The following KCNH8 variants were observed in gnomAD, a reference collection of about 807,000 sequenced individuals.
KCNH8 encodes the protein potassium voltage-gated channel subfamily H member 8.
In KCNH8, 70 loss-of-function variants were observed where a neutral mutation model predicts 103.6. The ratio of observed to expected loss-of-function variants is 0.68; its 90% CI spans 0.56 to 0.82. The LOEUF (loss-of-function observed/expected upper bound fraction) is 0.82, where lower values mean the gene tolerates loss of function less well. KCNH8 is among the 40% of genes least tolerant of loss of function. The probability of loss-of-function intolerance (pLI) is 0.00; values close to 1 mark genes in which losing one functional copy is unlikely to be tolerated. For synonymous variants in KCNH8, 498 were observed against 489.4 expected (o/e 1.02, Z -0.23); for missense variants, 1,217 against 1,329.9 (o/e 0.92, Z 1.32).
At chr3:19,260,399 C>T (rs139704707) in intron 2 of KCNH8, among the ~76,000 whole-genome samples, 148 of 146,040 alleles carry the variant, frequency 1.0e-3, no homozygotes, top group Non-Finnish European at 1.7e-3. Context: ...TTACAATGAG[C>T]TATTCATGAC....
At chr3:19,457,686 A>G (rs961955661) in intron 11 of KCNH8, among the ~76,000 whole-genome samples, 2 of 151,954 alleles carry the variant, frequency 1.3e-5, no homozygotes, top group African/African-American at 4.8e-5. Flanking sequence ...TTGTGTAACA[A>G]CAAGCCTTTA....
chr3:19,395,934 G>A (rs1559307436), intron 7 of KCNH8, among the ~76,000 whole-genome samples: 1 of 151,928 alleles, frequency 6.6e-6, no homozygotes, highest in Non-Finnish European at 1.5e-5. Context: ...TACATAATCT[G>A]CATAAATGAA....
chr3:19,216,873 G>A (rs866100675), intron 1 of KCNH8, among the ~76,000 whole-genome samples: 4 of 152,202 alleles, frequency 2.6e-5, no homozygotes, highest in African/African-American at 7.2e-5. Flanking sequence ...CCAGGACGCC[G>A]ATGCTTGCCA....
At chr3:19,288,970 C>T (rs2125279985) in intron 3 of KCNH8, among the ~76,000 whole-genome samples, 1 of 152,268 alleles carries the variant, frequency 6.6e-6, no homozygotes, top group African/African-American at 2.4e-5. Flanking sequence ...TTGCATTTCT[C>T]TGATGGCCAG....
rs764404290 is a variant in KCNH8 at position 19,347,841 on chromosome 3, G to T, written c.687G>T (p.Leu229Phe). Residue 229 changes from leucine to phenylalanine, a missense_variant, in exon 5 of 16, where the codon TTG becomes TTT. Leu to Phe is a conservative substitution (Grantham distance 22). Coordinates refer to ENST00000328405, the MANE Select transcript of KCNH8 (RefSeq NM_144633.3). ...AAGCTGGCTGGGACTGGCTTATTTT[G>T]TTGGCAACGTTTTATGTTGCTGTGA... ...TFKAGWDWLI[L>F]LATFYVAVTV... is the part of the protein sequence containing the mutation. The T allele has an allele frequency of 1.2e-6, 2 of 1,613,340 alleles. No individual in the cohort carries two copies. Among genetic ancestry groups the T allele is most frequent in the South Asian group, 2.2e-5 (2 of 91,068 alleles).
intron 5 of KCNH8, among the ~76,000 whole-genome samples, chr3:19,364,199 C>T (rs1426217890): frequency 2.6e-5 from 4 of 152,022 alleles, no homozygotes; most frequent in East Asian, 1.9e-4. Flanking sequence ...AATGGAGGTC[C>T]GTATACCCAT....
At chr3:19,362,559 A>G (rs937308974) in intron 5 of KCNH8, among the ~76,000 whole-genome samples, 1 of 152,172 alleles carries the variant, frequency 6.6e-6, no homozygotes, top group South Asian at 2.1e-4. Context: ...CTGTTTCTCA[A>G]ATACCTTCAG....
intron 1 of KCNH8, among the ~76,000 whole-genome samples, chr3:19,244,176 G>A (rs1575464108): frequency 1.3e-5 from 2 of 152,256 alleles, no homozygotes; most frequent in African/African-American, 4.8e-5. Flanking sequence ...TCCAGGCCCT[G>A]TCACTTTCTC....
At chr3:19,397,865 C>G (rs1396182888) in intron 7 of KCNH8, among the ~76,000 whole-genome samples, 1 of 151,748 alleles carries the variant, frequency 6.6e-6, no homozygotes, top group Non-Finnish European at 1.5e-5. Flanking sequence ...AAAACATTCC[C>G]CAGCTGAGAT....
At chr3:19,258,124 A>T (rs890722307) in intron 2 of KCNH8, among the ~76,000 whole-genome samples, 2 of 152,068 alleles carry the variant, frequency 1.3e-5, no homozygotes, top group Non-Finnish European at 2.9e-5. Context: ...CTATCTTCAA[A>T]AAAGGTCCCA....
intron 5 of KCNH8, among the ~76,000 whole-genome samples, chr3:19,351,700 A>T (rs1192515503): frequency 6.6e-6 from 1 of 152,136 alleles, no homozygotes; most frequent in Non-Finnish European, 1.5e-5. Context: ...GATTTTTGTC[A>T]CCACCAGGCC....
intron 2 of KCNH8, among the ~76,000 whole-genome samples, chr3:19,277,441 G>A (rs191627349): frequency 4.6e-5 from 7 of 152,168 alleles, no homozygotes; most frequent in Admixed American, 2.0e-4. Flanking sequence ...GTGCACGTCT[G>A]TAGTCCTAGC....
At position 19,493,380 on chromosome 3, in the gene KCNH8, TG is replaced by T. The variant is rs368484265; in HGVS notation, c.2041-16979del. On this transcript the variant is annotated intron_variant, in intron 11 of 15. Coordinates refer to ENST00000328405, the MANE Select transcript of KCNH8 (RefSeq NM_144633.3). ...GAACTGGTGGGAAGTGATTGGATTA[TG>T]GGGCAGTTTTCTCCATGCTGCTCTC... Among the ~76,000 whole-genome samples the T allele has an allele frequency of 2.4e-4, 37 of 152,230 alleles. No individual in the cohort carries two copies. The East Asian group carries it at 6.6e-3, about 27-fold the overall frequency.
chr3:19,241,425 A>G (rs1311220074), intron 1 of KCNH8, among the ~76,000 whole-genome samples: 1 of 152,110 alleles, frequency 6.6e-6, no homozygotes, highest in African/African-American at 2.4e-5. Flanking sequence ...TTGAAACCCA[A>G]TTCTAAGATA....
intron 5 of KCNH8, among the ~76,000 whole-genome samples, chr3:19,365,390 T>TC (rs1210277265): frequency 6.6e-6 from 1 of 152,122 alleles, no homozygotes; most frequent in Non-Finnish European, 1.5e-5. Flanking sequence ...GAATATTTTT[T>TC]CTCATAACAT....
chr3:19,413,220 T>C (rs563107922), intron 7 of KCNH8, among the ~76,000 whole-genome samples: 66 of 150,362 alleles, frequency 4.4e-4, no homozygotes, highest in African/African-American at 1.5e-3. Context: ...AATGAAATCA[T>C]GCCCCTTGTA....
At chr3:19,502,507 A>G (rs1214308980) in intron 11 of KCNH8, among the ~76,000 whole-genome samples, 1 of 152,202 alleles carries the variant, frequency 6.6e-6, no homozygotes, top group African/African-American at 2.4e-5. Flanking sequence ...GCATCACACT[A>G]CCTGACTTCA....
chr3:19,170,584 C>CTA (rs113772694), intron 1 of KCNH8, among the ~76,000 whole-genome samples: 8,853 of 113,742 alleles, frequency 0.078, 361 homozygotes, highest in East Asian at 0.19. Flanking sequence ...CTTGGGGCAT[C>CTA]TATATATATA....
chr3:19,496,746 A>T (rs2068449475), intron 11 of KCNH8, among the ~76,000 whole-genome samples: 1 of 152,020 alleles, frequency 6.6e-6, no homozygotes, highest in Non-Finnish European at 1.5e-5. Context: ...CAAATTTTTG[A>T]AATAGTTTCA....
Sources: gnomAD v4.1 joint callset for allele counts (sites outside exome capture counted in the v4.1 genomes callset) on GRCh38, gnomAD v4.1.1 for gene constraint, MANE v1.5 for transcripts, NCBI Gene and HGNC (gene_info 2026-07-23, HGNC 2026-07-21) for gene names.